The following FAM13C variants were observed in gnomAD, a reference collection of about 807,000 sequenced individuals.
FAM13C encodes family with sequence similarity 13 member C.
In FAM13C, 37 loss-of-function variants were observed where a neutral mutation model predicts 73.2. The observed-to-expected ratio is 0.51, with a 90% confidence interval of 0.39 to 0.67. FAM13C has a LOEUF of 0.67. Among genes scored for constraint, FAM13C ranks in the 30% least tolerant of loss-of-function variants. FAM13C has a pLI of 0.00. For missense variants in FAM13C, 589 were observed against 715.6 expected (o/e 0.82, Z 2.02); for synonymous variants, 246 against 260.9 (o/e 0.94, Z 0.55).
chr10:59,303,763 G>T (rs1314803406), intron 4 of FAM13C, among the ~76,000 whole-genome samples: 1 of 152,104 alleles, frequency 6.6e-6, no homozygotes, highest in Non-Finnish European at 1.5e-5. Flanking sequence ...AAATAAATTT[G>T]TTCCCATTGT....
chr10:59,361,147 C>T (rs1479466771), intron 1 of FAM13C: 5 of 1,258,168 alleles, frequency 4.0e-6, no homozygotes, highest in Non-Finnish European at 4.2e-6. Context: ...GGTTACCAAG[C>T]AATCTTATAA....
intron 3 of FAM13C, among the ~76,000 whole-genome samples, chr10:59,346,163 G>A (rs187841753): frequency 5.3e-5 from 8 of 151,688 alleles, no homozygotes; most frequent in East Asian, 3.9e-4. Flanking sequence ...TATAAAGTAC[G>A]TCCATAATTG....
intron 5 of FAM13C, 65 bp from the exon 6 acceptor site, chr10:59,283,512 T>A: frequency 6.5e-7 from 1 of 1,544,656 alleles, no homozygotes; most frequent in East Asian, 2.2e-5. Flanking sequence ...CAAGGAATTC[T>A]GCCAGCAAAA....
At chr10:59,353,633 A>T (rs1855354041) in intron 2 of FAM13C, among the ~76,000 whole-genome samples, 1 of 152,250 alleles carries the variant, frequency 6.6e-6, no homozygotes, top group South Asian at 2.1e-4. Context: ...TAAAAGGCAG[A>T]TTAAATTCAC....
At chr10:59,259,048 A>C (rs1842218559) in intron 10 of FAM13C, among the ~76,000 whole-genome samples, 1 of 152,180 alleles carries the variant, frequency 6.6e-6, no homozygotes, top group South Asian at 2.1e-4. Flanking sequence ...AGAAAAGGAC[A>C]TAAAAGACAT....
In FAM13C at chr10:59,302,807, T is replaced by A. The variant is rs1847754860; in HGVS notation, c.501A>T (p.Leu167Phe). The A allele has an allele frequency of 6.2e-7, 1 of 1,613,984 alleles. No individual in the cohort carries two copies. Among genetic ancestry groups the A allele is most frequent in the East Asian group, 2.2e-5 (1 of 44,900 alleles). Residue 167 changes from leucine to phenylalanine, a missense_variant, in exon 5 of 14, where the codon TTA becomes TTT. Leu to Phe is a conservative substitution (Grantham distance 22, BLOSUM62 0). Transcript: ENST00000618804. ...PKDAFETRQD[L>F]NEEEAAQVHG... The stretch of plus-strand genomic sequence containing the variant: ...CAGTAATGATTGCACGTACCTCATT[T>A]AAGTCCTGCCGAGTTTCAAAAGCAT...
At chr10:59,339,093 C>T (rs78960294) in intron 3 of FAM13C, among the ~76,000 whole-genome samples, 4 of 152,182 alleles carry the variant, frequency 2.6e-5, no homozygotes, top group African/African-American at 9.6e-5. Context: ...CAGCCTCCGC[C>T]CCCATCCTTA....
At chr10:59,333,241 C>T (rs1852250713) in intron 3 of FAM13C, among the ~76,000 whole-genome samples, 1 of 152,194 alleles carries the variant, frequency 6.6e-6, no homozygotes. Context: ...CTTACTTGCA[C>T]TTTGAGAGGC....
intron 12 of FAM13C, 109 bp downstream of exon 12, chr10:59,252,690 T>C: frequency 9.6e-7 from 1 of 1,042,966 alleles, no homozygotes. Flanking sequence ...TGAGAACTGT[T>C]GACCCACCCC....
intron 1 of FAM13C, among the ~76,000 whole-genome samples, chr10:59,357,001 G>A (rs957864589): frequency 2.6e-5 from 4 of 152,078 alleles, no homozygotes; most frequent in South Asian, 4.2e-4. Flanking sequence ...TTGGACTCTC[G>A]GACTTACACC....
intron 5 of FAM13C, among the ~76,000 whole-genome samples, chr10:59,287,447 C>A (rs950149008): frequency 4.7e-5 from 7 of 149,046 alleles, no homozygotes; most frequent in Admixed American, 1.3e-4. Flanking sequence ...GAAAGGCTAG[C>A]ATTCTTTCTT....
intron 6 of FAM13C, among the ~76,000 whole-genome samples, chr10:59,272,746 A>T (rs1843858653): frequency 6.6e-6 from 1 of 152,090 alleles, no homozygotes; most frequent in Non-Finnish European, 1.5e-5. Flanking sequence ...TCCTCACAGG[A>T]CTGTGATAAG....
intron 3 of FAM13C, among the ~76,000 whole-genome samples, chr10:59,325,758 A>G (rs1684005277): frequency 1.3e-5 from 2 of 152,318 alleles, no homozygotes; most frequent in East Asian, 3.9e-4. Flanking sequence ...ACTGATAACA[A>G]TATTGCTTTT....
chr10:59,325,080 A>G (rs1020282569), intron 3 of FAM13C, among the ~76,000 whole-genome samples: 1 of 151,814 alleles, frequency 6.6e-6, no homozygotes, highest in Non-Finnish European at 1.5e-5. Context: ...ATGAGATACT[A>G]AAACAAAAAT....
At chr10:59,269,460 TGAGGGTAGC>T (rs1843452633) in intron 7 of FAM13C, among the ~76,000 whole-genome samples, 2 of 142,472 alleles carry the variant, frequency 1.4e-5, no homozygotes, top group Non-Finnish European at 3.0e-5. Context: ...ATTATTTGGA[TGAGGGTAGC>T]TATTGTAAGC....
At chr10:59,274,581 A>C (rs1317969815) in intron 6 of FAM13C, among the ~76,000 whole-genome samples, 4 of 152,174 alleles carry the variant, frequency 2.6e-5, no homozygotes, top group Non-Finnish European at 4.4e-5. Flanking sequence ...GCTGGGCTTC[A>C]TGACAGTCAC....
intron 3 of FAM13C, among the ~76,000 whole-genome samples, chr10:59,332,221 TC>T (rs1330371518): frequency 1.3e-5 from 2 of 152,070 alleles, no homozygotes; most frequent in Non-Finnish European, 2.9e-5. Context: ...GAGGGGTAGA[TC>T]AATATGTTTG....
chr10:59,288,510 G>A (rs565639577), intron 5 of FAM13C, among the ~76,000 whole-genome samples: 48 of 152,084 alleles, frequency 3.2e-4, no homozygotes, highest in South Asian at 3.1e-3. Context: ...AGCATCCATC[G>A]GTTGTTCTCA....
chr10:59,279,567 T>G (rs1844702492), intron 6 of FAM13C, among the ~76,000 whole-genome samples: 1 of 152,204 alleles, frequency 6.6e-6, no homozygotes, highest in Non-Finnish European at 1.5e-5. Context: ...AAACCATCAA[T>G]CATCCTTGGT....
Sources: allele counts gnomAD v4.1 joint callset (sites outside exome capture counted in the v4.1 genomes callset), GRCh38; gene constraint gnomAD v4.1.1; transcripts MANE v1.5; gene names NCBI Gene and HGNC (gene_info 2026-07-23, HGNC 2026-07-21).